CDC42BPA: variants seen among roughly 807,000 people sequenced by gnomAD.
The protein encoded by CDC42BPA is serine/threonine-protein kinase MRCK alpha.
Under a neutral mutation model 223.5 loss-of-function variants are expected in CDC42BPA, and 80 were observed. The observed-to-expected ratio is 0.36, with a 90% CI of 0.30 to 0.43. CDC42BPA has a LOEUF of 0.43. Ranked by LOEUF, CDC42BPA falls within the 20% of genes least tolerant of loss-of-function variation. The pLI is 1.00. For synonymous variants in CDC42BPA, 694 were observed against 718.6 expected, an observed-to-expected ratio of 0.97 and a Z score of 0.55; for missense variants, 1,743 against 2,099.9, an observed-to-expected ratio of 0.83 and a Z score of 3.32.
At chr1:227,108,494 T>C (rs1229625565) in intron 14 of CDC42BPA, among the ~76,000 whole-genome samples, 1 of 152,116 alleles carries the variant, frequency 6.6e-6, no homozygotes, top group Non-Finnish European at 1.5e-5. Flanking sequence ...CTTCTTCCAT[T>C]TACTAAAATG....
At chr1:227,127,905 C>A (rs995514637) in intron 11 of CDC42BPA, among the ~76,000 whole-genome samples, 2 of 152,090 alleles carry the variant, frequency 1.3e-5, no homozygotes, top group Non-Finnish European at 1.5e-5. Context: ...CCTAAAACTA[C>A]CTTTCTGGAG....
Position 227,147,896 on chromosome 1 carries a change from TAA to T in CDC42BPA, c.694-339_694-338del, listed in dbSNP as rs35057127. On this transcript the variant is annotated intron_variant, in intron 6 of 36. Transcript: ENST00000366766. ...TAATTACCTGTCAAACCTATACGTG[TAA>T]AAAAAAAAAAATGAAACCGTCAAAA... is the stretch of plus-strand genomic sequence containing the variant. Among the ~76,000 whole-genome samples, 773 of 146,684 alleles carry T rather than the reference TAA, an allele frequency of 5.3e-3. 9 individuals carry two copies. The highest frequency in any genetic ancestry group is 0.046 in the East Asian group (235 of 5,088).
intron 5 of CDC42BPA, among the ~76,000 whole-genome samples, chr1:227,179,403 G>A (rs1160196333): frequency 3.3e-5 from 5 of 151,748 alleles, no homozygotes; most frequent in Non-Finnish European, 4.4e-5. Context: ...TTGGGAGGCC[G>A]AGGCGGGCGG....
chr1:227,274,599 T>A (rs1572787161), intron 1 of CDC42BPA, among the ~76,000 whole-genome samples: 1 of 152,070 alleles, frequency 6.6e-6, no homozygotes, highest in Non-Finnish European at 1.5e-5. Flanking sequence ...TTATAATAAA[T>A]CTAAATGGCC....
chr1:227,193,163 G>C (rs10799404), intron 5 of CDC42BPA, among the ~76,000 whole-genome samples: 100,434 of 146,788 alleles, frequency 0.68, 34,383 homozygotes, highest in South Asian at 0.73. Flanking sequence ...CCGCCTCCCG[G>C]GTTCACGCCA....
chr1:227,253,278 G>A lies in CDC42BPA; in HGVS notation c.270+786C>T, dbSNP rs61834593. Among the ~76,000 whole-genome samples the A allele has an allele frequency of 3.8e-3, 568 of 150,676 alleles. 4 individuals carry two copies. The highest frequency in any genetic ancestry group is 5.3e-3 in the Non-Finnish European group (361 of 67,690). On this transcript the variant is annotated intron_variant, in intron 2 of 36. Transcript: ENST00000366766. The stretch of plus-strand genomic sequence containing the variant: ...AGAGAGCGAGAGAGAGCGCGCGCGC[G>A]TGCGCGTGCATGTGTATCTTTACAA...
At position 227,112,344 on chromosome 1, in the gene CDC42BPA, TA is replaced by T; in HGVS notation, c.1968del (p.Lys657SerfsTer10). On this transcript the variant is annotated frameshift_variant, in exon 14 of 37. Coordinates refer to ENST00000366766, the MANE Select transcript of CDC42BPA (RefSeq NM_001394014.1). LOFTEE classifies it high-confidence loss of function. ...RKLREQSEHY[S>X]KQLENELEGL... is the part of the protein sequence containing the mutation. Reference sequence around the variant, plus strand: ...CCCTCCAATTCATTTTCCAGTTGCTTAGAATAGTGCTCACTCTGTTCACGTA... The same window carrying T: ...CCCTCCAATTCATTTTCCAGTTGCTTGAATAGTGCTCACTCTGTTCACGTA... 6.2e-7 allele frequency: 1 copy of T among 1,602,530 alleles called. No individual in the cohort carries two copies. Among genetic ancestry groups the T allele is most frequent in the Non-Finnish European group, 8.5e-7 (1 of 1,174,612 alleles).
At chr1:227,185,229 G>T (rs573945404) in intron 5 of CDC42BPA, among the ~76,000 whole-genome samples, 1 of 151,902 alleles carries the variant, frequency 6.6e-6, no homozygotes, top group Admixed American at 6.6e-5. Flanking sequence ...AATTATTTTA[G>T]GCACATAGGA....
chr1:227,220,311 T>TACAC (rs58845901), intron 2 of CDC42BPA, among the ~76,000 whole-genome samples: 2 of 49,534 alleles, frequency 4.0e-5, no homozygotes, highest in African/African-American at 1.4e-4. Context: ...TATATATATA[T>TACAC]ACACACACAC....
chr1:227,167,107 A>C (rs576611751), intron 5 of CDC42BPA, among the ~76,000 whole-genome samples: 11 of 152,280 alleles, frequency 7.2e-5, no homozygotes, highest in Admixed American at 6.5e-4. Flanking sequence ...ACAATACTAC[A>C]TAAGAATAAA....
chr1:227,225,164 G>GTT (rs974186972), intron 2 of CDC42BPA, among the ~76,000 whole-genome samples: 1 of 152,120 alleles, frequency 6.6e-6, no homozygotes, highest in Admixed American at 6.5e-5. Flanking sequence ...TTATATTAAT[G>GTT]TTTATAAAAC....
At chr1:227,275,928 C>A (rs1572798612) in intron 1 of CDC42BPA, among the ~76,000 whole-genome samples, 2 of 152,280 alleles carry the variant, frequency 1.3e-5, no homozygotes, top group African/African-American at 4.8e-5. Flanking sequence ...GGCTGGAGTG[C>A]AGTGGCCTGA....
intron 34 of CDC42BPA, chr1:227,010,833 C>A (rs1404164421): frequency 8.4e-7 from 1 of 1,183,994 alleles, no homozygotes. Flanking sequence ...AAAGGAAATC[C>A]ATACATGGTT....
chr1:227,304,181 C>A (rs1050941526), intron 1 of CDC42BPA, among the ~76,000 whole-genome samples: 1 of 152,080 alleles, frequency 6.6e-6, no homozygotes, highest in Non-Finnish European at 1.5e-5. Flanking sequence ...CCGAGGTGGG[C>A]GCATCACTTG....
Position 227,127,967 on chromosome 1 carries a change from C to T in CDC42BPA, c.1513+1142G>A, listed in dbSNP as rs12569190. Among the ~76,000 whole-genome samples the T allele has an allele frequency of 2.5e-3, 388 of 152,316 alleles. 9 individuals carry two copies. In the East Asian group the frequency reaches 0.047, roughly 18 times the overall value. Reference sequence around the variant, plus strand: ...TACCTTCTGCTCTCTCTCCCTATCCCTCTGCTTATTCAGATCATGTAATGC... The same window carrying T: ...TACCTTCTGCTCTCTCTCCCTATCCTTCTGCTTATTCAGATCATGTAATGC... On this transcript the variant is annotated intron_variant, in intron 11 of 36. Coordinates refer to ENST00000366766, the MANE Select transcript of CDC42BPA (RefSeq NM_001394014.1).
At chr1:227,074,862 A>G (rs527782752) in intron 17 of CDC42BPA, among the ~76,000 whole-genome samples, 1 of 152,148 alleles carries the variant, frequency 6.6e-6, no homozygotes, top group Non-Finnish European at 1.5e-5. Flanking sequence ...TGAAATGATC[A>G]ATAAAATAAC....
rs75190528 is a variant in CDC42BPA, at chr1:227,042,276, G to A, written c.3094-2040C>T. On this transcript the variant is annotated intron_variant, in intron 23 of 36. Coordinates refer to ENST00000366766, the MANE Select transcript of CDC42BPA (RefSeq NM_001394014.1). Reference sequence around the variant, plus strand: ...TTAGTAATTCTCCATAATACCTCCCGAATTGCACATATACATATATGATAT... The same window carrying A: ...TTAGTAATTCTCCATAATACCTCCCAAATTGCACATATACATATATGATAT... 3.2e-3 allele frequency among the ~76,000 whole-genome samples: 407 copies of A among 126,038 alleles called. 4 individuals carry two copies. Among genetic ancestry groups the A allele is most frequent in the African/African-American group, 0.013 (390 of 29,800 alleles). 82.7% of individuals were successfully genotyped at this position (126,038 alleles called of 152,430 possible).
intron 12 of CDC42BPA, among the ~76,000 whole-genome samples, chr1:227,113,998 A>G (rs1687364681): frequency 6.7e-6 from 1 of 148,340 alleles, no homozygotes; most frequent in South Asian, 2.1e-4. Flanking sequence ...AGCTTGGGCA[A>G]TACAGTGAGA....
chr1:227,153,259 T>A (rs1044624926), intron 6 of CDC42BPA, among the ~76,000 whole-genome samples: 1 of 151,380 alleles, frequency 6.6e-6, no homozygotes, highest in Non-Finnish European at 1.5e-5. Context: ...TCTTTTCAAA[T>A]AAACATAGAA....
Sources: allele counts gnomAD v4.1 joint callset (sites outside exome capture counted in the v4.1 genomes callset), GRCh38; gene constraint gnomAD v4.1.1; transcripts MANE v1.5; gene names NCBI Gene and HGNC (gene_info 2026-07-23, HGNC 2026-07-21).